TEX14: variants seen among roughly 807,000 people sequenced by gnomAD.
TEX14 encodes testis expressed 14, intercellular bridge forming factor, also known as inactive serine/threonine-protein kinase TEX14.
Under a neutral mutation model 178.6 loss-of-function variants are expected in TEX14, and 168 were observed. The observed-to-expected ratio is 0.94, with a 90% CI of 0.83 to 1.07. The LOEUF (loss-of-function observed/expected upper bound fraction) is 1.07. TEX14 is among the 50% of genes least tolerant of loss of function. TEX14 has a pLI of 0.00. For synonymous variants in TEX14, 626 were observed against 634.1 expected (o/e 0.99, Z 0.19); for missense variants, 1,730 against 1,753.6 (o/e 0.99, Z 0.24).
chr17:58,571,857 GTTTGGGTCACTGGGCCC>G (rs2044537589), intron 24 of TEX14, 47 bp downstream of exon 24: 2 of 1,428,160 alleles, frequency 1.4e-6, no homozygotes, highest in Non-Finnish European at 2.0e-6. Context: ...AATCTTGGCA[GTTTGGGTCACTGGGCCC>G]TTTGGGCTGA....
chr17:58,579,887 G>A (rs8075108), intron 19 of TEX14, among the ~76,000 whole-genome samples, 156 bp from the exon 20 acceptor site: 22,054 of 152,128 alleles, frequency 0.14, 2,476 homozygotes, highest in East Asian at 0.31. Context: ...TAGACATTAA[G>A]TACTTATTTG....
At chr17:58,687,669 TA>T (rs148389008) in intron 1 of TEX14, among the ~76,000 whole-genome samples, 136 of 147,876 alleles carry the variant, frequency 9.2e-4, no homozygotes, top group Non-Finnish European at 1.5e-3. Context: ...GTTCTTAGGC[TA>T]AAAAAAAAAT....
At chr17:58,619,520 GA>G (rs2045948375) in intron 5 of TEX14, among the ~76,000 whole-genome samples, 1 of 152,084 alleles carries the variant, frequency 6.6e-6, no homozygotes, top group African/African-American at 2.4e-5. Context: ...ACATTAAGAG[GA>G]GGGGGGGCGG....
In TEX14 at chr17:58,649,231, C is replaced by T. The variant is rs900472824; in HGVS notation, c.136+2635G>A. Among the ~76,000 whole-genome samples the T allele has an allele frequency of 2.6e-5, 4 of 151,970 alleles. 1 individual carries two copies. In the South Asian group the frequency reaches 6.2e-4, roughly 24 times the overall value. On this transcript the variant is annotated intron_variant, in intron 2 of 31. Coordinates refer to ENST00000349033, the MANE Select transcript of TEX14 (RefSeq NM_031272.5). ...AGTAGCTGAGATTACAGGCACCCAC[C>T]ACCACGCCCAGCTAATTTTTATATT...
intron 2 of TEX14, among the ~76,000 whole-genome samples, chr17:58,640,810 C>T (rs921151352): frequency 1.3e-5 from 2 of 152,150 alleles, no homozygotes; most frequent in African/African-American, 4.8e-5. Context: ...ACCTCTGCCT[C>T]CTGGGATCAA....
At chr17:58,591,999 C>T (rs1320220993) in intron 15 of TEX14, among the ~76,000 whole-genome samples, 3 of 150,722 alleles carry the variant, frequency 2.0e-5, no homozygotes, top group South Asian at 2.1e-4. Context: ...GTGGAGTTTG[C>T]AGTGAGTCGA....
chr17:58,591,505 C>T (rs895050217), intron 15 of TEX14, among the ~76,000 whole-genome samples: 2 of 151,712 alleles, frequency 1.3e-5, no homozygotes, highest in Admixed American at 6.6e-5. Flanking sequence ...GGAACAAGGG[C>T]GAAACTCCAT....
chr17:58,561,718 T>G (rs1406401392), intron 28 of TEX14, 106 bp from the exon 29 acceptor site: 1 of 738,582 alleles, frequency 1.4e-6, no homozygotes, highest in Non-Finnish European at 2.4e-6. Flanking sequence ...AACCTGTGCT[T>G]TCACTATATG....
intron 1 of TEX14, chr17:58,659,253 A>C (rs1257539381): frequency 9.1e-6 from 7 of 765,700 alleles, no homozygotes; most frequent in Non-Finnish European, 1.1e-5. Flanking sequence ...ACCCTCCCCC[A>C]AGAAAAACAC....
intron 27 of TEX14, among the ~76,000 whole-genome samples, chr17:58,565,269 G>T (rs1050707365): frequency 1.3e-5 from 2 of 152,204 alleles, no homozygotes; most frequent in African/African-American, 4.8e-5. Flanking sequence ...ACATAAAAGA[G>T]GAGGCAAGCA....
intron 1 of TEX14, chr17:58,659,270 A>G (rs1341070787): frequency 4.7e-6 from 4 of 857,402 alleles, no homozygotes; most frequent in Non-Finnish European, 5.6e-6. Flanking sequence ...ACACTTTATC[A>G]GGACCAACAG....
At chr17:58,604,514 G>C (rs1466156206) in intron 11 of TEX14, among the ~76,000 whole-genome samples, 1 of 150,880 alleles carries the variant, frequency 6.6e-6, no homozygotes, top group Admixed American at 6.6e-5. Context: ...TTTTTAGTGT[G>C]GATTAAATGC....
At chr17:58,691,742 C>A (rs1441605590) in intron 1 of TEX14, among the ~76,000 whole-genome samples, 197 bp downstream of exon 1, 3 of 151,268 alleles carry the variant, frequency 2.0e-5, no homozygotes, top group African/African-American at 7.3e-5. Context: ...CTCACCTAGG[C>A]AAGGAAGGAA....
intron 15 of TEX14, among the ~76,000 whole-genome samples, chr17:58,590,287 A>ACTGAGATT (rs1252026265): frequency 1.3e-5 from 2 of 148,882 alleles, no homozygotes; most frequent in African/African-American, 5.0e-5. Context: ...AAAACCATGA[A>ACTGAGATT]CTGAGATTGC....
intron 1 of TEX14, among the ~76,000 whole-genome samples, chr17:58,653,466 T>C (rs1169205342): frequency 6.6e-6 from 1 of 152,112 alleles, no homozygotes; most frequent in Non-Finnish European, 1.5e-5. Flanking sequence ...AAAAACTCGA[T>C]CCCCAATATG....
intron 29 of TEX14, 121 bp downstream of exon 29, chr17:58,561,399 C>A (rs2044269471): frequency 2.8e-6 from 2 of 709,012 alleles, no homozygotes; most frequent in South Asian, 1.7e-5. Context: ...CAGGTGGAGT[C>A]AGGGCTGGCT....
At chr17:58,632,002 A>T (rs1290687572) in intron 2 of TEX14, among the ~76,000 whole-genome samples, 1 of 152,210 alleles carries the variant, frequency 6.6e-6, no homozygotes, top group African/African-American at 2.4e-5. Flanking sequence ...ATAAGCTCAA[A>T]ATTTCGAAGA....
chr17:58,652,302 A>T (rs2046856611), intron 1 of TEX14, among the ~76,000 whole-genome samples: 1 of 152,172 alleles, frequency 6.6e-6, no homozygotes, highest in Non-Finnish European at 1.5e-5. Flanking sequence ...CTTGAATTGT[A>T]GTTCCCATAA....
At chr17:58,576,697 C>G (rs892461987) in intron 21 of TEX14, among the ~76,000 whole-genome samples, 1 of 152,156 alleles carries the variant, frequency 6.6e-6, no homozygotes, top group Non-Finnish European at 1.5e-5. Flanking sequence ...CCTTCCTTAA[C>G]CCCTGGCAAC....
Sources: gnomAD v4.1 joint callset for allele counts (sites outside exome capture counted in the v4.1 genomes callset) on GRCh38, gnomAD v4.1.1 for gene constraint, MANE v1.5 for transcripts, NCBI Gene and HGNC (gene_info 2026-07-23, HGNC 2026-07-21) for gene names.